The following INPP4A variants were observed in gnomAD, a reference collection of about 807,000 sequenced individuals.
INPP4A encodes inositol polyphosphate-4-phosphatase type I A, also known as inositol polyphosphate-4-phosphatase, type I, 107kD.
Under a neutral mutation model 119.8 loss-of-function variants are expected in INPP4A, and 33 were observed. The observed-to-expected ratio is 0.28, with a 90% CI of 0.21 to 0.37. INPP4A has a LOEUF of 0.37. INPP4A is among the 10% of genes least tolerant of loss of function. The probability of loss-of-function intolerance (pLI) is 1.00; values close to 1 mark genes in which losing one functional copy is unlikely to be tolerated. For synonymous variants in INPP4A, 496 were observed against 500.7 expected, an observed-to-expected ratio of 0.99 and a Z score of 0.12; for missense variants, 956 against 1,289.9, an observed-to-expected ratio of 0.74 and a Z score of 3.97.
chr2:98,515,136 T>A (rs1433993812), intron 1 of INPP4A, among the ~76,000 whole-genome samples: 2 of 152,026 alleles, frequency 1.3e-5, no homozygotes, highest in African/African-American at 4.8e-5. Flanking sequence ...TGCAGGAAGG[T>A]GATATTTGTC....
intron 1 of INPP4A, among the ~76,000 whole-genome samples, chr2:98,512,952 T>C (rs567854032): frequency 1.3e-5 from 2 of 152,332 alleles, no homozygotes; most frequent in East Asian, 3.9e-4. Flanking sequence ...GCATTTTTTG[T>C]TTTTGTATTT....
chr2:98,527,164 T>G (rs572948924), intron 4 of INPP4A, among the ~76,000 whole-genome samples: 1 of 152,302 alleles, frequency 6.6e-6, no homozygotes, highest in Non-Finnish European at 1.5e-5. Context: ...GGCAACATCT[T>G]TGATGTTATA....
chr2:98,514,305 T>C (rs1685691439), intron 1 of INPP4A, among the ~76,000 whole-genome samples: 1 of 152,188 alleles, frequency 6.6e-6, no homozygotes, highest in African/African-American at 2.4e-5. Context: ...GTGAAATATA[T>C]ACTTGGTCTA....
At chr2:98,568,065 CTGAG>C (rs1696791409) in intron 21 of INPP4A, among the ~76,000 whole-genome samples, 1 of 152,240 alleles carries the variant, frequency 6.6e-6, no homozygotes, top group Non-Finnish European at 1.5e-5. Flanking sequence ...TTGTAGCACA[CTGAG>C]TGTGATCAGG....
chr2:98,563,861 C>G (rs894541308), intron 18 of INPP4A, among the ~76,000 whole-genome samples: 2 of 152,098 alleles, frequency 1.3e-5, no homozygotes, highest in East Asian at 3.9e-4. Context: ...GAACTGGCAC[C>G]TGCAGAGTCT....
chr2:98,527,742 T>C (rs1344494733), intron 4 of INPP4A, among the ~76,000 whole-genome samples: 1 of 152,230 alleles, frequency 6.6e-6, no homozygotes, highest in African/African-American at 2.4e-5. Flanking sequence ...AGGTCTGTGA[T>C]TCTGGTATTT....
chr2:98,594,091 A>T lies in INPP4A; in HGVS notation c.*6483A>T, dbSNP rs1700508848. ...TGGTGGTTTTGTGGTGTTCAACTGA[A>T]ATATTTCCTATTTCAGCACTGGACC... On this transcript the variant is annotated 3_prime_UTR_variant, in exon 25 of 25. Transcript: ENST00000409851. The T allele has an allele frequency of 6.6e-6, 1 of 152,222 alleles. No homozygotes were observed. The highest frequency in any genetic ancestry group is 6.5e-5 in the Admixed American group (1 of 15,286). The allele number at this position is 152,222 out of a possible 1,614,324, so 9.4% of individuals were successfully genotyped here.
intron 1 of INPP4A, among the ~76,000 whole-genome samples, chr2:98,447,004 G>A (rs1383160199): frequency 6.6e-6 from 1 of 152,114 alleles, no homozygotes; most frequent in Non-Finnish European, 1.5e-5. Flanking sequence ...AAGAGGGAGC[G>A]TTCTCAGCCA....
At chr2:98,561,082 A>G (rs891543387) in intron 17 of INPP4A, among the ~76,000 whole-genome samples, 1 of 152,188 alleles carries the variant, frequency 6.6e-6, no homozygotes, top group African/African-American at 2.4e-5. Context: ...TTACAAAGGC[A>G]CACACACTCT....
At chr2:98,485,830 G>A (rs1679428623) in intron 1 of INPP4A, among the ~76,000 whole-genome samples, 1 of 152,172 alleles carries the variant, frequency 6.6e-6, no homozygotes, top group African/African-American at 2.4e-5. Context: ...GAAATATCGT[G>A]TCTAAAGTAC....
chr2:98,527,188 G>A (rs977607317), intron 4 of INPP4A, among the ~76,000 whole-genome samples: 3 of 152,120 alleles, frequency 2.0e-5, no homozygotes, highest in Non-Finnish European at 4.4e-5. Context: ...AAAATCAATA[G>A]CCTAAAAGTC....
chr2:98,481,581 A>G (rs546836179), intron 1 of INPP4A, among the ~76,000 whole-genome samples: 6 of 152,350 alleles, frequency 3.9e-5, no homozygotes, highest in South Asian at 2.1e-4. Context: ...AGAATTCTCT[A>G]TATAAAATGA....
At chr2:98,558,344 T>C (rs1016314539) in intron 16 of INPP4A, among the ~76,000 whole-genome samples, 1 of 152,180 alleles carries the variant, frequency 6.6e-6, no homozygotes, top group Admixed American at 6.5e-5. Flanking sequence ...TTTCAAGGCC[T>C]CACATAACCT....
chr2:98,506,038 C>A (rs1437852600), intron 1 of INPP4A, among the ~76,000 whole-genome samples: 1 of 152,192 alleles, frequency 6.6e-6, no homozygotes, highest in Non-Finnish European at 1.5e-5. Context: ...AAAAAAGAAT[C>A]TGCTCTCATC....
At chr2:98,457,597 A>G (rs1485779222) in intron 1 of INPP4A, among the ~76,000 whole-genome samples, 1 of 152,224 alleles carries the variant, frequency 6.6e-6, no homozygotes, top group Non-Finnish European at 1.5e-5. Flanking sequence ...AACCTAACTT[A>G]ATTGACTACT....
At position 98,590,942 on chromosome 2, in the gene INPP4A, C is replaced by A. The variant is rs539314941; in HGVS notation, c.*3334C>A. ...CTGTGAACACTGAACATCTTTTATA[C>A]CTTTATGATATTTCTATGTTTGTGA... On this transcript the variant is annotated 3_prime_UTR_variant, in exon 25 of 25. Coordinates refer to ENST00000409851, the MANE Select transcript of INPP4A (RefSeq NM_001134225.2). 1.7e-4 allele frequency: 40 copies of A among 231,242 alleles called. No homozygotes were observed. The highest frequency in any genetic ancestry group is 7.9e-4 in the African/African-American group (36 of 45,338). 14.3% of individuals were successfully genotyped at this position (231,242 alleles called of 1,614,324 possible). A position where few individuals can be genotyped will look rare whatever the true frequency, so the allele number is the denominator to read the frequency against.
At chr2:98,448,708 T>C (rs1694700918) in intron 1 of INPP4A, among the ~76,000 whole-genome samples, 1 of 86,252 alleles carries the variant, frequency 1.2e-5, no homozygotes, top group Non-Finnish European at 2.7e-5. Flanking sequence ...TCTCTCTCTC[T>C]CTTTTTTTTT....
chr2:98,459,281 C>T (rs934648797), intron 1 of INPP4A, among the ~76,000 whole-genome samples: 5 of 152,208 alleles, frequency 3.3e-5, no homozygotes, highest in African/African-American at 9.6e-5. Flanking sequence ...CCGCCCACTC[C>T]TCCCTACCCT....
intron 1 of INPP4A, among the ~76,000 whole-genome samples, chr2:98,508,957 C>G (rs745691197): frequency 5.9e-5 from 9 of 152,138 alleles, no homozygotes; most frequent in Non-Finnish European, 1.0e-4. Flanking sequence ...GTTGATTCAC[C>G]TCAAGAAAAA....
Sources: allele counts gnomAD v4.1 joint callset (sites outside exome capture counted in the v4.1 genomes callset), GRCh38; gene constraint gnomAD v4.1.1; transcripts MANE v1.5; gene names NCBI Gene and HGNC (gene_info 2026-07-23, HGNC 2026-07-21).